The following TSPAN16 variants were observed in gnomAD, a reference collection of about 807,000 sequenced individuals.
The protein encoded by TSPAN16 is tetraspanin-16.
In TSPAN16, 23 loss-of-function variants were observed where a neutral mutation model predicts 25.2. That is an observed-to-expected ratio of 0.91 (90% CI 0.66 to 1.29). The LOEUF (loss-of-function observed/expected upper bound fraction) is 1.29, where lower values mean the gene tolerates loss of function less well. Ranked by LOEUF, TSPAN16 falls within the 50% of genes most tolerant of loss-of-function variation. The probability of loss-of-function intolerance (pLI) is 0.00; values close to 1 mark genes in which losing one functional copy is unlikely to be tolerated. For synonymous variants in TSPAN16, 123 were observed against 124.4 expected (o/e 0.99, Z 0.08); for missense variants, 272 against 299.9 (o/e 0.91, Z 0.69).
downstream of TSPAN16, among the ~76,000 whole-genome samples, chr19:11,319,199 CA>C (rs1291245617): frequency 3.3e-5 from 5 of 152,212 alleles, no homozygotes; most frequent in Non-Finnish European, 5.9e-5. Flanking sequence ...GCTACAAAGT[CA>C]GGGGGGGTTC....
At chr19:11,317,417 G>A (rs2080754869), downstream of TSPAN16, among the ~76,000 whole-genome samples, 1 of 152,132 alleles carries the variant, frequency 6.6e-6, no homozygotes, top group Admixed American at 6.6e-5. Context: ...CTGGGCTCAA[G>A]GGAGTCTCCC....
Position 11,315,796 on chromosome 19 carries a change from A to G in TSPAN16, c.693A>G (p.Pro231=). 6.5e-6 allele frequency: 8 copies of G among 1,231,980 alleles called. No homozygotes were observed. Among genetic ancestry groups the G allele is most frequent in the Non-Finnish European group, 8.1e-6 (8 of 987,874 alleles). 76.3% of individuals were successfully genotyped at this position (1,231,980 alleles called of 1,614,324 possible). ...SSLGAAVIQL[P]GILATLLLFI... ...TCTTTCTTCACGCATTTCAGTTGCC[A>G]GGAATTCTTGCCACTTTGCTGCTGT... Residue 231 remains proline (P), a synonymous_variant, in exon 7 of 7, where the codon CCA becomes CCG. Transcript: ENST00000590327.
intron 3 of TSPAN16, 24 bp from the exon 4 acceptor site, chr19:11,301,177 A>C (rs1489642954): frequency 6.2e-7 from 1 of 1,604,136 alleles, no homozygotes. Flanking sequence ...TGGGGTACTG[A>C]TCACTTCCTG....
chr19:11,307,544 G>A (rs1423340421), intron 5 of TSPAN16, among the ~76,000 whole-genome samples: 2 of 151,744 alleles, frequency 1.3e-5, no homozygotes, highest in African/African-American at 4.8e-5. Flanking sequence ...TCAGCCTCCC[G>A]AGTAGCTGGG....
At chr19:11,299,732 T>C (rs568205056) in intron 3 of TSPAN16, among the ~76,000 whole-genome samples, 1 of 152,136 alleles carries the variant, frequency 6.6e-6, no homozygotes, top group East Asian at 1.9e-4. Context: ...CCCAGCACTT[T>C]GGGAGGCCGA....
chr19:11,313,257 T>C (rs2080711929), intron 6 of TSPAN16, among the ~76,000 whole-genome samples: 1 of 152,178 alleles, frequency 6.6e-6, no homozygotes, highest in Admixed American at 6.5e-5. Context: ...CTCATGCCTG[T>C]AATCCCAGAA....
downstream of TSPAN16, among the ~76,000 whole-genome samples, chr19:11,319,493 G>A (rs188003225): frequency 1.3e-5 from 2 of 152,120 alleles, no homozygotes; most frequent in East Asian, 3.9e-4. Context: ...CAGCTACTCC[G>A]GAGGCTGAGG....
downstream of TSPAN16, among the ~76,000 whole-genome samples, chr19:11,317,621 C>T (rs1328030200): frequency 6.6e-6 from 1 of 151,490 alleles, no homozygotes; most frequent in African/African-American, 2.4e-5. Flanking sequence ...CAGCCTCCTG[C>T]CTAGCTGGGA....
chr19:11,318,415 C>G (rs2080759984), downstream of TSPAN16, among the ~76,000 whole-genome samples: 1 of 151,996 alleles, frequency 6.6e-6, no homozygotes, highest in African/African-American at 2.4e-5. Context: ...CCGCCTCAGC[C>G]TCCCAAAGTG....
chr19:11,321,459 G>A (rs551652384), intron 6 of TSPAN16: 1 of 152,248 alleles, frequency 6.6e-6, no homozygotes, highest in Non-Finnish European at 1.5e-5. Context: ...GACACGTGAG[G>A]ATTATGGGGA....
intron 1 of TSPAN16, among the ~76,000 whole-genome samples, chr19:11,296,619 TC>T (rs2080481088): frequency 6.6e-6 from 1 of 152,162 alleles, no homozygotes; most frequent in Admixed American, 6.6e-5. Flanking sequence ...AGAGCTTGGC[TC>T]TAAGTCAAAT....
intron 1 of TSPAN16, 76 bp downstream of exon 1, chr19:11,296,442 A>G: frequency 1.4e-6 from 2 of 1,480,658 alleles, no homozygotes; most frequent in Non-Finnish European, 1.9e-6. Flanking sequence ...AGACAGAAAT[A>G]AGTTGATCCA....
At chr19:11,326,005 G>A (rs140657667) in intron 6 of TSPAN16, among the ~76,000 whole-genome samples, 2,861 of 152,176 alleles carry the variant, frequency 0.019, 98 homozygotes, top group African/African-American at 0.066. Context: ...AGGATCATTT[G>A]AGGTCAGGAG....
Position 11,296,177 on chromosome 19 carries a change from AG to A in TSPAN16, c.-117del. On this transcript the variant is annotated 5_prime_UTR_variant, in exon 1 of 7. Coordinates refer to ENST00000590327, the MANE Select transcript of TSPAN16 (RefSeq NM_001282509.2). ...CAACCATCAGGCAGCCAGGACACAG[AG>A]GGGCAGAGCAAGTCAGCATTGGCGC... 2.0e-6 allele frequency: 2 copies of A among 1,021,350 alleles called. No individual in the cohort carries two copies. Among genetic ancestry groups the A allele is most frequent in the Non-Finnish European group, 3.0e-6 (2 of 677,690 alleles). The allele number at this position is 1,021,350 out of a possible 1,614,324, so 63.3% of individuals were successfully genotyped here. A position where few individuals can be genotyped will look rare whatever the true frequency, so the allele number is the denominator to read the frequency against.
At chr19:11,303,775 T>A (rs2080596513) in intron 4 of TSPAN16, among the ~76,000 whole-genome samples, 1 of 151,114 alleles carries the variant, frequency 6.6e-6, no homozygotes, top group Admixed American at 6.6e-5. Context: ...CCTTGACACC[T>A]GTCATTTTCT....
chr19:11,313,708 G>A (rs1397402076), intron 6 of TSPAN16, among the ~76,000 whole-genome samples: 1 of 152,050 alleles, frequency 6.6e-6, no homozygotes, highest in Non-Finnish European at 1.5e-5. Context: ...ATTCTCACTA[G>A]GATGGCTAAA....
rs199743487 is a variant in TSPAN16, at chr19:11,306,772, G to C, written c.603+16G>C. ...CCACCAGAAGGTAACTGGAGATTTT[G>C]TGTGTTGCCTTGACAGACCCCTGAG... On this transcript the variant is annotated intron_variant, in intron 5 of 6. Coordinates refer to ENST00000590327, the MANE Select transcript of TSPAN16 (RefSeq NM_001282509.2). 1.2e-6 allele frequency: 2 copies of C among 1,611,990 alleles called. No homozygotes were observed. The highest frequency in any genetic ancestry group is 2.7e-5 in the African/African-American group (2 of 74,988).
At chr19:11,321,677 T>C (rs1599352748) in intron 6 of TSPAN16, among the ~76,000 whole-genome samples, 1 of 151,228 alleles carries the variant, frequency 6.6e-6, no homozygotes, top group South Asian at 2.1e-4. Context: ...GAGATGAGGG[T>C]AGGGAAGGGA....
chr19:11,304,834 A>G (rs1293044937), intron 4 of TSPAN16, among the ~76,000 whole-genome samples: 1 of 151,594 alleles, frequency 6.6e-6, no homozygotes, highest in Non-Finnish European at 1.5e-5. Context: ...TAAAATTTTT[A>G]GTAGAGACCT....
Sources: gnomAD v4.1 joint callset for allele counts (sites outside exome capture counted in the v4.1 genomes callset) on GRCh38, gnomAD v4.1.1 for gene constraint, MANE v1.5 for transcripts, NCBI Gene and HGNC (gene_info 2026-07-23, HGNC 2026-07-21) for gene names.